RBMS1: variants seen among roughly 807,000 people sequenced by gnomAD.
RBMS1 encodes RNA-binding motif, single-stranded-interacting protein 1.
RBMS1 carries 17 observed loss-of-function variants against 62.3 expected under a neutral mutation model. The observed-to-expected ratio is 0.27, with a 90% CI of 0.19 to 0.41. The LOEUF (loss-of-function observed/expected upper bound fraction) is 0.41, where lower values mean the gene tolerates loss of function less well. RBMS1 is among the 10% of genes least tolerant of loss of function. The probability of loss-of-function intolerance (pLI) is 1.00; values close to 1 mark genes in which losing one functional copy is unlikely to be tolerated. For synonymous variants in RBMS1, 172 were observed against 170.0 expected, an observed-to-expected ratio of 1.01 and a Z score of -0.09; for missense variants, 334 against 504.5, an observed-to-expected ratio of 0.66 and a Z score of 3.24.
chr2:160,273,743 A>G lies in RBMS1; in HGVS notation c.*1029T>C, dbSNP rs1574190905. The G allele has an allele frequency of 7.1e-6, 1 of 140,392 alleles. No homozygotes were observed. Among genetic ancestry groups the G allele is most frequent in the Admixed American group, 7.5e-5 (1 of 13,268 alleles). 8.7% of individuals were successfully genotyped at this position (140,392 alleles called of 1,614,324 possible). On this transcript the variant is annotated 3_prime_UTR_variant, in exon 14 of 14. Coordinates refer to ENST00000348849, the MANE Select transcript of RBMS1 (RefSeq NM_016836.4). ...CCCATCCCCAACCCCAACACTACCT[A>G]CACTAAATCTAGTACATCAAGTTAG...
intron 2 of RBMS1, among the ~76,000 whole-genome samples, chr2:160,327,791 T>C (rs1050849635): frequency 6.6e-6 from 1 of 152,182 alleles, no homozygotes; most frequent in South Asian, 2.1e-4. Flanking sequence ...AAATGTATAT[T>C]ATCTATCATA....
At chr2:160,443,407 T>C (rs1159421851) in intron 1 of RBMS1, among the ~76,000 whole-genome samples, 1 of 152,134 alleles carries the variant, frequency 6.6e-6, no homozygotes, top group Non-Finnish European at 1.5e-5. Context: ...TGAAATGTGA[T>C]CTCCAATGTT....
intron 1 of RBMS1, among the ~76,000 whole-genome samples, chr2:160,479,006 G>A (rs1420776118): frequency 6.6e-6 from 1 of 152,174 alleles, no homozygotes; most frequent in Non-Finnish European, 1.5e-5. Context: ...CGAAAGGGTT[G>A]GCTTCAACAG....
At chr2:160,435,488 A>G (rs1683072486) in intron 1 of RBMS1, among the ~76,000 whole-genome samples, 1 of 152,222 alleles carries the variant, frequency 6.6e-6, no homozygotes, top group African/African-American at 2.4e-5. Context: ...AGAGTATTTA[A>G]TAAAGGAACG....
chr2:160,334,302 A>G (rs1489339113), intron 2 of RBMS1, among the ~76,000 whole-genome samples: 2 of 152,212 alleles, frequency 1.3e-5, no homozygotes, highest in African/African-American at 4.8e-5. Flanking sequence ...TTAGCAATGA[A>G]TATGTGGGCA....
intron 2 of RBMS1, among the ~76,000 whole-genome samples, chr2:160,344,399 A>G (rs1159573990): frequency 6.6e-6 from 1 of 152,124 alleles, no homozygotes; most frequent in Non-Finnish European, 1.5e-5. Flanking sequence ...AAGATGGGCA[A>G]ATATATTTTT....
At chr2:160,400,803 AG>A (rs1281762376) in intron 1 of RBMS1, among the ~76,000 whole-genome samples, 1 of 152,188 alleles carries the variant, frequency 6.6e-6, no homozygotes, top group Non-Finnish European at 1.5e-5. Flanking sequence ...ATTTCTAAAA[AG>A]GTAGGACAGG....
intron 7 of RBMS1, among the ~76,000 whole-genome samples, chr2:160,286,325 G>GTT (rs1204094882): frequency 4.5e-4 from 58 of 128,910 alleles, no homozygotes; most frequent in African/African-American, 1.3e-3. Context: ...TTTTTATTTT[G>GTT]TTTTTTTTTT....
intron 1 of RBMS1, among the ~76,000 whole-genome samples, chr2:160,417,902 G>A (rs187892895): frequency 2.0e-5 from 3 of 152,160 alleles, no homozygotes; most frequent in Admixed American, 6.6e-5. Context: ...AGATCTGACA[G>A]TGTGTCTTAC....
At chr2:160,359,358 G>A (rs1378397253) in intron 2 of RBMS1, among the ~76,000 whole-genome samples, 4 of 152,148 alleles carry the variant, frequency 2.6e-5, no homozygotes, top group Non-Finnish European at 5.9e-5. Context: ...TGAAGCATGT[G>A]TGTCTCTTTC....
intron 5 of RBMS1, 38 bp downstream of exon 5, chr2:160,303,292 T>C (rs749504050): frequency 1.3e-6 from 2 of 1,526,854 alleles, no homozygotes; most frequent in South Asian, 1.3e-5. Context: ...GGCAAAGCTA[T>C]TGTTGTTGAC....
chr2:160,295,844 T>C (rs141291946), intron 6 of RBMS1, among the ~76,000 whole-genome samples: 1 of 152,234 alleles, frequency 6.6e-6, no homozygotes, highest in Non-Finnish European at 1.5e-5. Context: ...ACAGGGAAGA[T>C]CTTATCTTAG....
chr2:160,276,255 T>C (rs2105927281), intron 12 of RBMS1, among the ~76,000 whole-genome samples: 1 of 152,320 alleles, frequency 6.6e-6, no homozygotes, highest in African/African-American at 2.4e-5. Context: ...AGATTTCTTT[T>C]TGGGTTTCAG....
chr2:160,390,128 G>C (rs1409618302), intron 1 of RBMS1, among the ~76,000 whole-genome samples: 1 of 152,128 alleles, frequency 6.6e-6, no homozygotes, highest in Admixed American at 6.5e-5. Flanking sequence ...CCTTTCTCAA[G>C]ACAACAGGCA....
chr2:160,438,770 T>C (rs1011790708), intron 1 of RBMS1, among the ~76,000 whole-genome samples: 7 of 152,262 alleles, frequency 4.6e-5, no homozygotes, highest in East Asian at 3.9e-4. Context: ...CAATGAGCTG[T>C]TGGGTATACC....
chr2:160,323,830 G>A (rs1419082785), intron 2 of RBMS1, among the ~76,000 whole-genome samples: 1 of 152,092 alleles, frequency 6.6e-6, no homozygotes, highest in Non-Finnish European at 1.5e-5. Context: ...GAGGATAACA[G>A]GTAAAAGCTC....
chr2:160,318,719 C>T (rs1690374940), intron 2 of RBMS1, among the ~76,000 whole-genome samples: 2 of 152,182 alleles, frequency 1.3e-5, no homozygotes, highest in Admixed American at 1.3e-4. Flanking sequence ...CTCCATATCG[C>T]CACAGAAGGG....
intron 1 of RBMS1, among the ~76,000 whole-genome samples, chr2:160,448,155 T>C (rs1211617338): frequency 1.3e-5 from 2 of 152,248 alleles, no homozygotes; most frequent in Non-Finnish European, 2.9e-5. Flanking sequence ...ATTCTTATAT[T>C]CTTTCCATAA....
At chr2:160,324,398 T>C (rs1690769927) in intron 2 of RBMS1, among the ~76,000 whole-genome samples, 1 of 152,230 alleles carries the variant, frequency 6.6e-6, no homozygotes, top group Non-Finnish European at 1.5e-5. Context: ...GTTGTTAAGT[T>C]ATTTTAATAT....
Sources: gnomAD v4.1 joint callset for allele counts (sites outside exome capture counted in the v4.1 genomes callset) on GRCh38, gnomAD v4.1.1 for gene constraint, MANE v1.5 for transcripts, NCBI Gene and HGNC (gene_info 2026-07-23, HGNC 2026-07-21) for gene names.